Variants in KCNH7 observed in about 807,000 individuals in gnomAD.
KCNH7 encodes potassium voltage-gated channel subfamily H member 7.
A neutral mutation model predicts 120.8 loss-of-function variants in KCNH7; 49 were observed. The ratio of observed to expected loss-of-function variants is 0.41; its 90% CI spans 0.32 to 0.51. The LOEUF is 0.51. Ranked by LOEUF, KCNH7 falls within the 20% of genes least tolerant of loss-of-function variation. The probability of loss-of-function intolerance (pLI) is 0.38; values close to 1 mark genes in which losing one functional copy is unlikely to be tolerated. For synonymous variants in KCNH7, 547 were observed against 516.1 expected (o/e 1.06, Z -0.81); for missense variants, 1,097 against 1,446.6 (o/e 0.76, Z 3.92).
At chr2:162,420,665 A>G (rs1687674620) in intron 9 of KCNH7, among the ~76,000 whole-genome samples, 1 of 152,174 alleles carries the variant, frequency 6.6e-6, no homozygotes, top group Non-Finnish European at 1.5e-5. Flanking sequence ...GTTCGTAAAA[A>G]TAATTTTAGG....
At chr2:162,423,755 A>G (rs548560962) in intron 8 of KCNH7, among the ~76,000 whole-genome samples, 6 of 152,288 alleles carry the variant, frequency 3.9e-5, no homozygotes, top group African/African-American at 1.4e-4. Flanking sequence ...TGGATTCTAA[A>G]TGAAAGTGAA....
intron 2 of KCNH7, among the ~76,000 whole-genome samples, chr2:162,591,771 C>A (rs1694223858): frequency 6.6e-6 from 1 of 151,914 alleles, no homozygotes; most frequent in African/African-American, 2.4e-5. Context: ...TTAGAAGTAG[C>A]AAATAATTTT....
chr2:162,391,904 T>A (rs899137888), intron 12 of KCNH7, among the ~76,000 whole-genome samples: 1 of 152,060 alleles, frequency 6.6e-6, no homozygotes, highest in African/African-American at 2.4e-5. Flanking sequence ...TAGTAGTGGT[T>A]CTGATTTTAG....
At chr2:162,530,996 T>C (rs1326492917) in intron 3 of KCNH7, among the ~76,000 whole-genome samples, 1 of 151,910 alleles carries the variant, frequency 6.6e-6, no homozygotes, top group African/African-American at 2.4e-5. Context: ...CAGAAGGGTG[T>C]AATCAAAACC....
intron 6 of KCNH7, among the ~76,000 whole-genome samples, chr2:162,456,279 G>T (rs1688959988): frequency 1.3e-5 from 2 of 151,940 alleles, no homozygotes; most frequent in Non-Finnish European, 2.9e-5. Context: ...GTTCTAATTT[G>T]ATTGGACTGT....
chr2:162,392,259 G>A (rs1027731749), intron 12 of KCNH7, among the ~76,000 whole-genome samples: 1 of 151,588 alleles, frequency 6.6e-6, no homozygotes, highest in African/African-American at 2.4e-5. Flanking sequence ...GATGAAACTG[G>A]TGTGGTATGA....
chr2:162,452,907 C>G (rs187685455), intron 6 of KCNH7, among the ~76,000 whole-genome samples: 12 of 152,058 alleles, frequency 7.9e-5, no homozygotes, highest in Admixed American at 2.0e-4. Flanking sequence ...GTTGGTCTCT[C>G]AAGGAATTTA....
intron 2 of KCNH7, among the ~76,000 whole-genome samples, chr2:162,688,044 A>T (rs1685959385): frequency 6.6e-6 from 1 of 152,192 alleles, no homozygotes; most frequent in Admixed American, 6.5e-5. Flanking sequence ...ATTAAAAATC[A>T]TTATGCAATT....
intron 2 of KCNH7, among the ~76,000 whole-genome samples, chr2:162,604,300 T>C (rs1231754293): frequency 1.3e-5 from 2 of 152,128 alleles, no homozygotes; most frequent in Non-Finnish European, 2.9e-5. Flanking sequence ...TGTGCTTTTA[T>C]TATTTGGCCA....
At chr2:162,403,481 T>A (rs967868695) in intron 9 of KCNH7, among the ~76,000 whole-genome samples, 1 of 151,984 alleles carries the variant, frequency 6.6e-6, no homozygotes, top group East Asian at 1.9e-4. Flanking sequence ...AGATATGTTA[T>A]CGGAATTCCA....
At chr2:162,588,161 T>A (rs981349271) in intron 2 of KCNH7, among the ~76,000 whole-genome samples, 1 of 152,038 alleles carries the variant, frequency 6.6e-6, no homozygotes, top group South Asian at 2.1e-4. Flanking sequence ...GCAAGGACAA[T>A]GATGACGCCA....
At chr2:162,411,350 T>C (rs113703694) in intron 9 of KCNH7, among the ~76,000 whole-genome samples, 4,000 of 152,106 alleles carry the variant, frequency 0.026, 171 homozygotes, top group African/African-American at 0.091. Flanking sequence ...AACAAACTAA[T>C]GCAGGAACAG....
intron 6 of KCNH7, among the ~76,000 whole-genome samples, chr2:162,493,947 A>C (rs1574026428): frequency 2.0e-5 from 3 of 152,330 alleles, no homozygotes; most frequent in South Asian, 4.1e-4. Flanking sequence ...ACCAACTTCA[A>C]AAAGGTACTA....
At chr2:162,566,268 T>C (rs906954463) in intron 2 of KCNH7, among the ~76,000 whole-genome samples, 11 of 152,122 alleles carry the variant, frequency 7.2e-5, no homozygotes, top group Admixed American at 2.0e-4. Flanking sequence ...TTACCTGGGC[T>C]TAACATCTTT....
intron 2 of KCNH7, among the ~76,000 whole-genome samples, chr2:162,662,978 T>C (rs1424063787): frequency 6.6e-6 from 1 of 152,222 alleles, no homozygotes; most frequent in Non-Finnish European, 1.5e-5. Context: ...TATAAGCCAA[T>C]TATTTATCTT....
intron 14 of KCNH7, among the ~76,000 whole-genome samples, chr2:162,375,615 G>C (rs541053366): frequency 6.6e-6 from 1 of 152,090 alleles, no homozygotes; most frequent in East Asian, 1.9e-4. Context: ...TTATGACAAG[G>C]GTCTGTTAGC....
chr2:162,611,593 T>A (rs1574167649), intron 2 of KCNH7, among the ~76,000 whole-genome samples: 1 of 152,344 alleles, frequency 6.6e-6, no homozygotes, highest in East Asian at 1.9e-4. Context: ...GATTAGGTGT[T>A]AAGTTACTGT....
At chr2:162,477,816 C>CGA (rs1689797880) in intron 6 of KCNH7, among the ~76,000 whole-genome samples, 1 of 147,364 alleles carries the variant, frequency 6.8e-6, no homozygotes, top group Non-Finnish European at 1.5e-5. Flanking sequence ...GCCCAAACAT[C>CGA]TATCCATCCA....
chr2:162,598,268 T>C (rs1456441861), intron 2 of KCNH7, among the ~76,000 whole-genome samples: 1 of 152,096 alleles, frequency 6.6e-6, no homozygotes, highest in East Asian at 1.9e-4. Context: ...AGTTTTTCTT[T>C]TGTAAGTAAG....
Sources: gnomAD v4.1 joint callset for allele counts (sites outside exome capture counted in the v4.1 genomes callset) on GRCh38, gnomAD v4.1.1 for gene constraint, MANE v1.5 for transcripts, NCBI Gene and HGNC (gene_info 2026-07-23, HGNC 2026-07-21) for gene names.